The following PCDHGA2 variants were observed in gnomAD, a reference collection of about 807,000 sequenced individuals.
PCDHGA2 encodes protocadherin gamma subfamily A, 2, also known as protocadherin gamma-A2.
Under a neutral mutation model 59.2 loss-of-function variants are expected in PCDHGA2, and 40 were observed. That is an observed-to-expected ratio of 0.68 (90% CI 0.52 to 0.88). The LOEUF is 0.88. Ranked by LOEUF, PCDHGA2 falls within the 40% of genes least tolerant of loss-of-function variation. The probability of loss-of-function intolerance (pLI) is 0.00; values close to 1 mark genes in which losing one functional copy is unlikely to be tolerated. For synonymous variants in PCDHGA2, 560 were observed against 526.0 expected, an observed-to-expected ratio of 1.06 and a Z score of -0.89; for missense variants, 1,226 against 1,204.0, an observed-to-expected ratio of 1.02 and a Z score of -0.27.
intron 1 of PCDHGA2, among the ~76,000 whole-genome samples, chr5:141,456,778 C>T (rs568292085): frequency 3.7e-4 from 57 of 152,242 alleles, no homozygotes; most frequent in African/African-American, 1.3e-3. Flanking sequence ...GCCTGGCCTA[C>T]ATGGCAAAAC....
Position 141,419,652 on chromosome 5 carries a change from C to T in PCDHGA2, c.2425-75155C>T, listed in dbSNP as rs563445438. 15 of 1,612,592 alleles carry T rather than the reference C, an allele frequency of 9.3e-6. 1 individual carries two copies. In the Admixed American group the frequency reaches 1.3e-4, roughly 14 times the overall value. On this transcript the variant is annotated intron_variant, in intron 1 of 3. Transcript: ENST00000394576. ...AAGGTGGTGGCCGTGGACGCGGACT[C>T]GGGGCACAATGCCTGGCTGTCCTAC... is the stretch of plus-strand genomic sequence containing the variant.
intron 1 of PCDHGA2, chr5:141,415,069 A>G (rs1323441877): frequency 1.1e-5 from 18 of 1,613,420 alleles, no homozygotes; most frequent in Non-Finnish European, 1.5e-5. Flanking sequence ...CGAGGTGCGC[A>G]CGGCGCGAGC....
At chr5:141,456,635 A>G (rs558958846) in intron 1 of PCDHGA2, among the ~76,000 whole-genome samples, 17 of 152,194 alleles carry the variant, frequency 1.1e-4, no homozygotes, top group Non-Finnish European at 2.2e-4. Context: ...CTTCTTTACT[A>G]CAGGTGTTAA....
intron 1 of PCDHGA2, among the ~76,000 whole-genome samples, chr5:141,358,994 G>A (rs1588537636): frequency 6.6e-6 from 1 of 152,222 alleles, no homozygotes; most frequent in Admixed American, 6.5e-5. Context: ...GAATGCATAT[G>A]CTTACACAAA....
At chr5:141,361,459 A>G in intron 1 of PCDHGA2, 4 of 1,614,028 alleles carry the variant, frequency 2.5e-6, no homozygotes, top group East Asian at 4.5e-5. Flanking sequence ...CACCCTGCAC[A>G]TCTCCGACGT....
chr5:141,438,623 TATATATATATATACAC>T (rs1207200307), intron 1 of PCDHGA2, among the ~76,000 whole-genome samples: 21 of 42,842 alleles, frequency 4.9e-4, no homozygotes, highest in South Asian at 2.6e-3. Flanking sequence ...TATATATATA[TATATATATATATACAC>T]ACACACACAC....
chr5:141,432,589 G>T lies in PCDHGA2; in HGVS notation c.2425-62218G>T. ...CCTGGCTGTCCTACCGTCTGCTCAA[G>T]GCCAGCGAGCCGGGACTCTTCTCGG... On this transcript the variant is annotated intron_variant, in intron 1 of 3. Transcript: ENST00000394576. The surrounding 1 kb of genome is among the most constrained non-coding windows in gnomAD (Gnocchi z 6.0). 1 of 1,613,916 alleles carries T rather than the reference G, an allele frequency of 6.2e-7. No individual in the cohort carries two copies. Among genetic ancestry groups the T allele is most frequent in the Non-Finnish European group, 8.5e-7 (1 of 1,179,974 alleles).
chr5:141,341,535 C>A, intron 1 of PCDHGA2, 140 bp downstream of exon 1: 2 of 1,475,338 alleles, frequency 1.4e-6, no homozygotes, highest in African/African-American at 1.4e-5. Context: ...TGAATTATTT[C>A]TTGGTAGGTC....
chr5:141,474,210 A>G (rs1054533367), intron 1 of PCDHGA2, among the ~76,000 whole-genome samples: 3 of 152,230 alleles, frequency 2.0e-5, no homozygotes, highest in Non-Finnish European at 4.4e-5. Context: ...ATTTTCAAAA[A>G]CCAGATTGTG....
chr5:141,430,915 G>T, intron 1 of PCDHGA2: 1 of 1,607,738 alleles, frequency 6.2e-7, no homozygotes, highest in East Asian at 2.2e-5. Flanking sequence ...CCAGGGACCT[G>T]GGGCTGGAGC....
intron 1 of PCDHGA2, chr5:141,365,896 T>A: frequency 6.2e-6 from 10 of 1,614,212 alleles, no homozygotes; most frequent in Non-Finnish European, 8.5e-6. Flanking sequence ...CCTTCGACTA[T>A]GAGCAGTTGA....
At chr5:141,384,270 C>T in intron 1 of PCDHGA2, 1 of 1,613,890 alleles carries the variant, frequency 6.2e-7, no homozygotes, top group Non-Finnish European at 8.5e-7. Flanking sequence ...ACTCATCCTA[C>T]TCAGTCTACA....
At chr5:141,363,362 TC>T (rs1356000329) in intron 1 of PCDHGA2, among the ~76,000 whole-genome samples, 1 of 152,268 alleles carries the variant, frequency 6.6e-6, no homozygotes, top group African/African-American at 2.4e-5. Flanking sequence ...TCCATTTTTT[TC>T]AATCAAGAGG....
chr5:141,341,508 T>C, intron 1 of PCDHGA2, 113 bp downstream of exon 1: 2 of 1,539,522 alleles, frequency 1.3e-6, no homozygotes, highest in Non-Finnish European at 8.7e-7. Context: ...AGTCAAGTTT[T>C]AGGAAGTGAG....
chr5:141,364,518 G>A (rs769955902), intron 1 of PCDHGA2: 11 of 1,614,038 alleles, frequency 6.8e-6, no homozygotes, highest in Non-Finnish European at 9.3e-6. Context: ...GCGGAGCGCG[G>A]AGTCCGCATC....
chr5:141,359,651 G>A (rs1761279530), intron 1 of PCDHGA2, among the ~76,000 whole-genome samples: 1 of 152,024 alleles, frequency 6.6e-6, no homozygotes, highest in Non-Finnish European at 1.5e-5. Flanking sequence ...GAAGGAGACA[G>A]AATATTTATA....
rs1386737349 is a variant in PCDHGA2 at position 141,486,423 on chromosome 5, C to T, written c.2425-8384C>T. The T allele has an allele frequency of 6.2e-7, 1 of 1,614,042 alleles. No individual in the cohort carries two copies. The highest frequency in any genetic ancestry group is 8.5e-7 in the Non-Finnish European group (1 of 1,180,030). ...ACTGCTGGACCCTTGGATCGAGAGG[C>T]CAAATCTAGCTATGACATCATGGTC... is the stretch of plus-strand genomic sequence containing the variant. On this transcript the variant is annotated intron_variant, in intron 1 of 3. Transcript: ENST00000394576. The surrounding 1 kb of genome is among the most constrained non-coding windows in gnomAD (Gnocchi z 5.0).
At chr5:141,500,488 C>A (rs569168291) in intron 2 of PCDHGA2, among the ~76,000 whole-genome samples, 2 of 152,060 alleles carry the variant, frequency 1.3e-5, no homozygotes, top group East Asian at 3.9e-4. Flanking sequence ...GGATTACAGG[C>A]GTGAGCCACC....
At chr5:141,395,029 A>G (rs1589250627) in intron 1 of PCDHGA2, 1 of 1,613,976 alleles carries the variant, frequency 6.2e-7, no homozygotes, top group Non-Finnish European at 8.5e-7. Context: ...CCTGCCTCAC[A>G]TTTTGTGGGT....
Sources: gnomAD v4.1 joint callset for allele counts (sites outside exome capture counted in the v4.1 genomes callset) on GRCh38, gnomAD v4.1.1 for gene constraint, Gnocchi (gnomAD v3.1) non-coding constraint, MANE v1.5 for transcripts, NCBI Gene and HGNC (gene_info 2026-07-23, HGNC 2026-07-21) for gene names.